NOL10: variants seen among roughly 807,000 people sequenced by gnomAD.
The protein encoded by NOL10 is nucleolar protein 10.
In NOL10, 58 loss-of-function variants were observed where a neutral mutation model predicts 103.5. The observed-to-expected ratio is 0.56, with a 90% CI of 0.45 to 0.70. The LOEUF (loss-of-function observed/expected upper bound fraction) is 0.70. NOL10 is among the 30% of genes least tolerant of loss of function. The pLI, the probability that NOL10 is intolerant of heterozygous loss-of-function variation, is 0.00. For missense variants in NOL10, 763 were observed against 807.3 expected, an observed-to-expected ratio of 0.95 and a Z score of 0.67; for synonymous variants, 287 against 282.5, an observed-to-expected ratio of 1.02 and a Z score of -0.16.
chr2:10,689,693 C>G, intron 1 of NOL10, 103 bp downstream of exon 1: 2 of 1,170,112 alleles, frequency 1.7e-6, no homozygotes, highest in Admixed American at 2.3e-5. Flanking sequence ...GGGTGACCAG[C>G]GTCCAGCTAA....
chr2:10,685,810 A>T (rs1028257641), intron 1 of NOL10, among the ~76,000 whole-genome samples: 1 of 151,952 alleles, frequency 6.6e-6, no homozygotes, highest in Non-Finnish European at 1.5e-5. Context: ...GCAGTGGTTC[A>T]TATCTATAAT....
Position 10,602,834 on chromosome 2 carries a change from C to T in NOL10, c.1274G>A (p.Arg425Lys), listed in dbSNP as rs766190221. The T allele has an allele frequency of 3.7e-6, 6 of 1,610,224 alleles. No individual in the cohort carries two copies. Among genetic ancestry groups the T allele is most frequent in the Middle Eastern group, 1.7e-4 (1 of 5,918 alleles). ...TATTTTCTGTCGTATTTTATCTTTC[C>T]TATATTCTTCATAAGCAAATGGATT... ...MVNPFAYEEY[R>K]KDKIRQKIEE... Residue 425 changes from arginine (R) to lysine (K), a missense_variant, in exon 16 of 21, where the codon AGG (arginine) becomes AAG (lysine). Transcript: ENST00000381685.
intron 11 of NOL10, among the ~76,000 whole-genome samples, chr2:10,655,866 T>TG (rs1183554677): frequency 6.6e-6 from 1 of 152,142 alleles, no homozygotes; most frequent in Non-Finnish European, 1.5e-5. Context: ...TTGTGTCCGA[T>TG]GAAGAACACG....
chr2:10,620,042 C>A (rs947264718), intron 13 of NOL10, among the ~76,000 whole-genome samples: 5 of 152,188 alleles, frequency 3.3e-5, no homozygotes, highest in African/African-American at 1.2e-4. Context: ...AATTTTTTTA[C>A]ATGAGAATGT....
At chr2:10,677,734 A>G (rs1681412916) in intron 3 of NOL10, among the ~76,000 whole-genome samples, 1 of 152,094 alleles carries the variant, frequency 6.6e-6, no homozygotes, top group Non-Finnish European at 1.5e-5. Context: ...CAGCCTCCCA[A>G]AGTGCTGGAA....
intron 1 of NOL10, among the ~76,000 whole-genome samples, chr2:10,689,379 T>C (rs1042486322): frequency 3.9e-5 from 6 of 152,226 alleles, no homozygotes; most frequent in African/African-American, 1.4e-4. Context: ...TTCACTGTTG[T>C]ATCCCTAAGA....
chr2:10,686,407 T>C (rs1358874041), intron 1 of NOL10, among the ~76,000 whole-genome samples: 7 of 152,030 alleles, frequency 4.6e-5, no homozygotes, highest in Non-Finnish European at 8.8e-5. Flanking sequence ...TGGAGAACAG[T>C]GACCGCTGAG....
chr2:10,583,830 A>T (rs1674888010), intron 19 of NOL10, among the ~76,000 whole-genome samples: 1 of 152,208 alleles, frequency 6.6e-6, no homozygotes, highest in Non-Finnish European at 1.5e-5. Flanking sequence ...TTGTCTTTCT[A>T]AAATGGAGAT....
intron 6 of NOL10, among the ~76,000 whole-genome samples, chr2:10,669,009 A>G (rs1184524700): frequency 3.3e-5 from 5 of 152,310 alleles, no homozygotes; most frequent in African/African-American, 1.2e-4. Context: ...ATGTATCTAC[A>G]TATGTATATA....
At chr2:10,647,642 G>A (rs1041773064) in intron 12 of NOL10, among the ~76,000 whole-genome samples, 23 of 152,178 alleles carry the variant, frequency 1.5e-4, no homozygotes, top group African/African-American at 5.3e-4. Context: ...GGCTGTGCAC[G>A]CAGAACTGTG....
intron 3 of NOL10, among the ~76,000 whole-genome samples, chr2:10,677,748 C>G (rs1681414792): frequency 1.3e-5 from 2 of 151,990 alleles, no homozygotes; most frequent in African/African-American, 4.8e-5. Flanking sequence ...GCTGGAATTA[C>G]AGGCGTGAGC....
intron 20 of NOL10, among the ~76,000 whole-genome samples, chr2:10,576,922 A>AAG (rs398104016): frequency 1.3e-5 from 2 of 152,068 alleles, no homozygotes; most frequent in African/African-American, 2.4e-5. Context: ...GGAAAAAAAA[A>AAG]GGGATGAAAT....
chr2:10,614,052 C>T (rs6432123), intron 13 of NOL10, among the ~76,000 whole-genome samples: 89,395 of 151,178 alleles, frequency 0.59, 27,438 homozygotes, highest in African/African-American at 0.74. Flanking sequence ...CTCCGCCTCC[C>T]GGGTTCAAGT....
intron 13 of NOL10, among the ~76,000 whole-genome samples, chr2:10,640,386 AAGGT>A (rs1233029260): frequency 1.3e-5 from 2 of 152,206 alleles, no homozygotes; most frequent in East Asian, 3.8e-4. Context: ...GCAGGGCAGA[AAGGT>A]AGGTCAGAAA....
At chr2:10,621,296 C>G (rs539857104) in intron 13 of NOL10, among the ~76,000 whole-genome samples, 1 of 151,978 alleles carries the variant, frequency 6.6e-6, no homozygotes, top group Non-Finnish European at 1.5e-5. Context: ...TGCTATAATT[C>G]AATCAAAAAT....
intron 20 of NOL10, among the ~76,000 whole-genome samples, chr2:10,576,849 T>C (rs138510980): frequency 6.6e-6 from 1 of 152,144 alleles, no homozygotes; most frequent in Non-Finnish European, 1.5e-5. Flanking sequence ...TTTAAAAGGA[T>C]GCATATGGTC....
chr2:10,669,022 A>T (rs1250800089), intron 6 of NOL10, among the ~76,000 whole-genome samples: 1 of 152,134 alleles, frequency 6.6e-6, no homozygotes, highest in East Asian at 1.9e-4. Flanking sequence ...TGTATATAAG[A>T]AAGGACTAGA....
chr2:10,681,318 C>T (rs1432143724), intron 3 of NOL10, among the ~76,000 whole-genome samples: 1 of 151,008 alleles, frequency 6.6e-6, no homozygotes, highest in African/African-American at 2.4e-5. Flanking sequence ...CATATAACAA[C>T]ATGTATGAAC....
intron 13 of NOL10, among the ~76,000 whole-genome samples, chr2:10,615,947 C>A (rs986762854): frequency 5.9e-5 from 9 of 152,096 alleles, no homozygotes; most frequent in African/African-American, 2.2e-4. Context: ...AGCTGTGGGG[C>A]TAAAGTCAGG....
Sources: allele counts gnomAD v4.1 joint callset (sites outside exome capture counted in the v4.1 genomes callset), GRCh38; gene constraint gnomAD v4.1.1; transcripts MANE v1.5; gene names NCBI Gene and HGNC (gene_info 2026-07-23, HGNC 2026-07-21).